The following PHF14 variants were observed in gnomAD, a reference collection of about 807,000 sequenced individuals.
PHF14 encodes the protein PHD finger protein 14.
In PHF14, 55 loss-of-function variants were observed where a neutral mutation model predicts 117.9. The ratio of observed to expected loss-of-function variants is 0.47; its 90% CI spans 0.38 to 0.58. The LOEUF (loss-of-function observed/expected upper bound fraction) is 0.58, where lower values mean the gene tolerates loss of function less well. Among genes scored for constraint, PHF14 ranks in the 20% least tolerant of loss-of-function variants. PHF14 has a pLI of 0.00. For missense variants in PHF14, 978 were observed against 1,122.2 expected (o/e 0.87, Z 1.84); for synonymous variants, 409 against 368.6 (o/e 1.11, Z -1.26).
intron 4 of PHF14, among the ~76,000 whole-genome samples, chr7:11,002,005 C>G (rs77235263): frequency 0.014 from 2,130 of 151,588 alleles, 52 homozygotes; most frequent in East Asian, 0.1. Flanking sequence ...TCTTTATGCT[C>G]TAGTTGAGGA....
In PHF14 at chr7:11,022,902, G is replaced by A; in HGVS notation, c.1240G>A (p.Gly414Arg). The stretch of plus-strand genomic sequence containing the variant: ...TATTGTTTGTGCCCTGTATGTTCCT[G>A]GAGTAGCCTTTGGAGATATTGACAA... ...VHIVCALYVP[G>R]VAFGDIDKLR... is the part of the protein sequence containing the mutation. The change falls in exon 6 of 18, where the codon GGA becomes AGA. Residue 414 changes from glycine to arginine, a missense_variant. Physicochemically the swap from Gly to Arg is moderately radical, Grantham distance 125. Transcript: ENST00000634607. The A allele has an allele frequency of 6.2e-7, 1 of 1,609,202 alleles. No homozygotes were observed. Among genetic ancestry groups the A allele is most frequent in the Non-Finnish European group, 8.5e-7 (1 of 1,176,464 alleles).
intron 16 of PHF14, chr7:11,105,153 G>A: frequency 1.0e-6 from 1 of 975,320 alleles, no homozygotes; most frequent in Non-Finnish European, 1.2e-6. Context: ...CTTGAAATTA[G>A]GGTTATGTTT....
intron 17 of PHF14, among the ~76,000 whole-genome samples, chr7:11,139,811 G>C (rs1469041004): frequency 6.6e-6 from 1 of 152,108 alleles, no homozygotes; most frequent in Non-Finnish European, 1.5e-5. Flanking sequence ...TTATAGAATT[G>C]ATGAAAATTG....
chr7:11,159,834 A>G (rs1224637831), intron 17 of PHF14, among the ~76,000 whole-genome samples: 2 of 152,220 alleles, frequency 1.3e-5, no homozygotes, highest in Non-Finnish European at 2.9e-5. Context: ...CAATAGATGA[A>G]AAGATATTCC....
chr7:11,042,970 A>G (rs972987775), intron 13 of PHF14, among the ~76,000 whole-genome samples, 156 bp downstream of exon 13: 2 of 131,522 alleles, frequency 1.5e-5, no homozygotes, highest in African/African-American at 5.3e-5. Flanking sequence ...GACTAAATCT[A>G]TAACAGCTTT....
intron 17 of PHF14, among the ~76,000 whole-genome samples, chr7:11,141,499 G>A (rs1454110202): frequency 1.3e-5 from 2 of 152,040 alleles, no homozygotes; most frequent in African/African-American, 4.8e-5. Flanking sequence ...GATTATGCTA[G>A]TTGGGTTTAT....
At chr7:11,067,878 G>A (rs908049355) in intron 16 of PHF14, among the ~76,000 whole-genome samples, 3 of 152,058 alleles carry the variant, frequency 2.0e-5, no homozygotes, top group African/African-American at 7.2e-5. Flanking sequence ...AACTAATAGA[G>A]TTAGAACACA....
At chr7:11,036,278 C>G (rs1371233858) in intron 8 of PHF14, 140 bp from the exon 9 acceptor site, 2 of 682,600 alleles carry the variant, frequency 2.9e-6, no homozygotes, top group African/African-American at 1.8e-5. Flanking sequence ...CCTTAAGGAT[C>G]ATTCATACCT....
chr7:11,146,702 A>G (rs1583501080), intron 17 of PHF14, among the ~76,000 whole-genome samples: 1 of 152,318 alleles, frequency 6.6e-6, no homozygotes, highest in East Asian at 1.9e-4. Context: ...TTCCTTTCAT[A>G]CATACATTCA....
intron 13 of PHF14, among the ~76,000 whole-genome samples, chr7:11,049,153 T>C (rs1426915752): frequency 1.3e-5 from 2 of 152,202 alleles, no homozygotes; most frequent in Non-Finnish European, 2.9e-5. Context: ...TTGCCTGTTA[T>C]TTAAGTAGAC....
intron 5 of PHF14, among the ~76,000 whole-genome samples, chr7:11,015,482 G>C (rs1783503375): frequency 6.6e-6 from 1 of 152,174 alleles, no homozygotes; most frequent in African/African-American, 2.4e-5. Flanking sequence ...ATTACTCTAA[G>C]TTGGGCCTGA....
chr7:11,013,947 A>G, intron 5 of PHF14, 41 bp downstream of exon 5: 5 of 1,408,850 alleles, frequency 3.5e-6, no homozygotes, highest in Non-Finnish European at 3.9e-6. Flanking sequence ...TTTGCTTTAT[A>G]ATGTGTCTGC....
chr7:11,011,595 A>T (rs1431916824), intron 4 of PHF14, among the ~76,000 whole-genome samples: 4 of 152,190 alleles, frequency 2.6e-5, no homozygotes, highest in Non-Finnish European at 2.9e-5. Context: ...TTTAGAAATG[A>T]CCTATTTTGA....
chr7:11,149,622 C>A (rs113531835), intron 17 of PHF14, among the ~76,000 whole-genome samples: 1 of 152,258 alleles, frequency 6.6e-6, no homozygotes, highest in South Asian at 2.1e-4. Flanking sequence ...TAGAACTACA[C>A]TTGGTGGGCA....
chr7:10,985,638 G>GGT (rs1782193944), intron 3 of PHF14, among the ~76,000 whole-genome samples: 6 of 45,960 alleles, frequency 1.3e-4, no homozygotes, highest in East Asian at 1.5e-3. Flanking sequence ...TTCTCAAACT[G>GGT]TTTTTTTTTT....
intron 17 of PHF14, among the ~76,000 whole-genome samples, chr7:11,124,981 A>G (rs779183006): frequency 4.6e-5 from 7 of 152,124 alleles, no homozygotes; most frequent in South Asian, 2.1e-4. Flanking sequence ...AGATGGTGCT[A>G]TGGTATGGTG....
intron 2 of PHF14, among the ~76,000 whole-genome samples, chr7:10,976,288 T>G (rs1562557195): frequency 6.6e-6 from 1 of 152,160 alleles, no homozygotes; most frequent in Non-Finnish European, 1.5e-5. Context: ...ATCTCCCATT[T>G]AGTTGGTTTG....
chr7:11,036,709 A>G (rs1583396934), intron 9 of PHF14, 21 bp downstream of exon 9: 1 of 1,593,676 alleles, frequency 6.3e-7, no homozygotes, highest in Non-Finnish European at 8.6e-7. Flanking sequence ...ACACTGGTAC[A>G]TGCACATTTT....
intron 17 of PHF14, among the ~76,000 whole-genome samples, chr7:11,131,074 G>A (rs1048655265): frequency 1.3e-5 from 2 of 151,804 alleles, no homozygotes; most frequent in South Asian, 2.1e-4. Context: ...TGTAAAATTT[G>A]TTTGTTTTGT....
Sources: gnomAD v4.1 joint callset for allele counts (sites outside exome capture counted in the v4.1 genomes callset) on GRCh38, gnomAD v4.1.1 for gene constraint, MANE v1.5 for transcripts, NCBI Gene and HGNC (gene_info 2026-07-23, HGNC 2026-07-21) for gene names.